Variants in COL22A1 observed in about 807,000 individuals in gnomAD.
COL22A1 encodes the protein collagen type XXII alpha 1 chain, also known as collagen alpha-1(XXII) chain.
A neutral mutation model predicts 248.9 loss-of-function variants in COL22A1; 221 were observed. That is an observed-to-expected ratio of 0.89 (90% CI 0.80 to 0.99). COL22A1 has a LOEUF of 0.99. COL22A1 is among the 50% of genes least tolerant of loss of function. The pLI is 0.00. For missense variants in COL22A1, 2,240 were observed against 2,179.0 expected (o/e 1.03, Z -0.56); for synonymous variants, 891 against 793.4 (o/e 1.12, Z -2.07).
chr8:138,812,752 G>A (rs1399918421), intron 8 of COL22A1, among the ~76,000 whole-genome samples, 187 bp downstream of exon 8: 1 of 152,128 alleles, frequency 6.6e-6, no homozygotes, highest in African/African-American at 2.4e-5. Context: ...ACAGACCACA[G>A]TAGCCCTGGA....
chr8:138,858,918 T>C (rs547804726), intron 3 of COL22A1, among the ~76,000 whole-genome samples: 9 of 151,924 alleles, frequency 5.9e-5, no homozygotes, highest in South Asian at 4.2e-4. Context: ...CTAGGAGAGG[T>C]TGGAGGACAG....
rs778723859 is a variant in COL22A1 at position 138,883,140 on chromosome 8, G to A, written c.33C>T (p.Gly11=). 3 of 1,594,324 alleles carry A rather than the reference G, an allele frequency of 1.9e-6. No individual in the cohort carries two copies. Among genetic ancestry groups the A allele is most frequent in the Admixed American group, 3.5e-5 (2 of 57,088 alleles). The change falls in exon 2 of 65, where the codon GGC becomes GGT. Residue 11 remains glycine (G), a synonymous_variant. Coordinates refer to ENST00000303045, the MANE Select transcript of COL22A1 (RefSeq NM_152888.3). The part of the protein sequence containing the change: MAGLRGNAVA[G]LLWMLLLWSG... Reference sequence around the variant, plus strand: ...TCCACAGCAGCAGCATCCAGAGGAGGCCAGCCACAGCGTTCCCTCGGAGGC... The same window carrying A: ...TCCACAGCAGCAGCATCCAGAGGAGACCAGCCACAGCGTTCCCTCGGAGGC...
intron 32 of COL22A1, among the ~76,000 whole-genome samples, chr8:138,699,872 C>G (rs540278861): frequency 6.0e-4 from 91 of 152,250 alleles, no homozygotes; most frequent in Non-Finnish European, 1.1e-3. Context: ...GGCCTTTGCT[C>G]TTAGCTATGA....
chr8:138,697,345 G>T (rs981259349), intron 32 of COL22A1, among the ~76,000 whole-genome samples: 1 of 152,168 alleles, frequency 6.6e-6, no homozygotes, highest in African/African-American at 2.4e-5. Context: ...AGGGTGAGGG[G>T]GTAGAATCAG....
chr8:138,599,385 A>G (rs1362064244), intron 60 of COL22A1, among the ~76,000 whole-genome samples: 3 of 152,128 alleles, frequency 2.0e-5, no homozygotes, highest in Non-Finnish European at 4.4e-5. Context: ...AGGCTGAGGC[A>G]GGAGAATGGC....
In COL22A1 at chr8:138,684,421, T is replaced by C. The variant is rs750632089; in HGVS notation, c.3012+4A>G. On this transcript the variant is annotated splice_donor_region_variant and intron_variant, in intron 39 of 64. Transcript: ENST00000303045. ...ACCCACAGTTTTCTTGGACAAGCAC[T>C]CACCTTGGTTCCTAGGGGTCCAGGG... The C allele has an allele frequency of 1.2e-6, 2 of 1,605,954 alleles. No individual in the cohort carries two copies. The highest frequency in any genetic ancestry group is 1.1e-5 in the South Asian group (1 of 90,910).
At chr8:138,857,838 C>T (rs1021319759) in intron 3 of COL22A1, among the ~76,000 whole-genome samples, 1 of 152,220 alleles carries the variant, frequency 6.6e-6, no homozygotes, top group Non-Finnish European at 1.5e-5. Context: ...CCCACCAGAC[C>T]GCGCCAGGAC....
At chr8:138,872,646 G>GC (rs1823428506) in intron 3 of COL22A1, among the ~76,000 whole-genome samples, 1 of 152,190 alleles carries the variant, frequency 6.6e-6, no homozygotes, top group Non-Finnish European at 1.5e-5. Flanking sequence ...CTCGGCCTCC[G>GC]CCCCACACAC....
At chr8:138,896,866 G>A (rs1229399308) in intron 1 of COL22A1, among the ~76,000 whole-genome samples, 2 of 152,008 alleles carry the variant, frequency 1.3e-5, no homozygotes, top group African/African-American at 2.4e-5. Flanking sequence ...CCAGCTACTT[G>A]CGGGGCTGAG....
chr8:138,710,905 A>C (rs1828909244), intron 30 of COL22A1, among the ~76,000 whole-genome samples: 1 of 152,278 alleles, frequency 6.6e-6, no homozygotes, highest in Admixed American at 6.5e-5. Flanking sequence ...AAAATGTCCC[A>C]ATGATCAAAG....
intron 4 of COL22A1, among the ~76,000 whole-genome samples, chr8:138,836,168 G>A (rs1471418653): frequency 6.6e-6 from 1 of 152,204 alleles, no homozygotes; most frequent in Non-Finnish European, 1.5e-5. Context: ...CTACTTGGGA[G>A]GCTGAGGCAG....
chr8:138,589,225 C>T lies in COL22A1; in HGVS notation c.*28G>A. The T allele has an allele frequency of 6.2e-7, 1 of 1,608,006 alleles. No individual in the cohort carries two copies. The highest frequency in any genetic ancestry group is 1.3e-5 in the African/African-American group (1 of 74,626). ...TCTGAGTTCAAGTTTCAGAAATCCA[C>T]TGCAGTCTTCTGGCTTTCCAGAGTC... On this transcript the variant is annotated 3_prime_UTR_variant, in exon 65 of 65. Transcript: ENST00000303045.
intron 3 of COL22A1, among the ~76,000 whole-genome samples, chr8:138,869,959 T>G (rs192423167): frequency 1.6e-4 from 24 of 152,256 alleles, no homozygotes; most frequent in Non-Finnish European, 1.5e-5. Context: ...GTGCTGCATG[T>G]GTGTATGAGT....
chr8:138,838,075 G>A (rs1162278550), intron 4 of COL22A1, among the ~76,000 whole-genome samples: 7 of 152,134 alleles, frequency 4.6e-5, no homozygotes, highest in Admixed American at 1.3e-4. Flanking sequence ...AAGCAGTGGC[G>A]TGGAGGGAAA....
rs569002378 is a variant in COL22A1, at chr8:138,910,036, C to T, written c.-73+3583G>A. On this transcript the variant is annotated intron_variant, in intron 1 of 64. Transcript: ENST00000303045. ...ACTGGTTCACCTATCTTGGTCCATC[C>T]GCTTGCAGGAATGTGAAGAAGCAAT... 1.4e-4 allele frequency among the ~76,000 whole-genome samples: 22 copies of T among 152,306 alleles called. 1 individual carries two copies. In the South Asian group the frequency reaches 2.7e-3, roughly 19 times the overall value.
chr8:138,711,599 C>T (rs1016216850), intron 30 of COL22A1, among the ~76,000 whole-genome samples: 3 of 152,190 alleles, frequency 2.0e-5, no homozygotes, highest in African/African-American at 7.2e-5. Context: ...TGAGGCAGAG[C>T]CTTTTCCACT....
At chr8:138,629,938 C>A (rs1820570597) in intron 50 of COL22A1, among the ~76,000 whole-genome samples, 1 of 152,190 alleles carries the variant, frequency 6.6e-6, no homozygotes, top group Admixed American at 6.5e-5. Context: ...CTTCTCCAAT[C>A]CCCACTTTCC....
intron 3 of COL22A1, among the ~76,000 whole-genome samples, chr8:138,856,225 C>T (rs1175540305): frequency 6.6e-6 from 1 of 152,256 alleles, no homozygotes; most frequent in African/African-American, 2.4e-5. Flanking sequence ...CGCATTGCTG[C>T]ACCTGTGTGA....
At chr8:138,695,304 G>T (rs1827418840) in intron 32 of COL22A1, among the ~76,000 whole-genome samples, 1 of 152,118 alleles carries the variant, frequency 6.6e-6, no homozygotes, top group African/African-American at 2.4e-5. Flanking sequence ...GGTCTTTAAG[G>T]GCCCCTGGCC....
Sources: allele counts gnomAD v4.1 joint callset (sites outside exome capture counted in the v4.1 genomes callset), GRCh38; gene constraint gnomAD v4.1.1; transcripts MANE v1.5; gene names NCBI Gene and HGNC (gene_info 2026-07-23, HGNC 2026-07-21).